Variants in QKI observed in about 807,000 individuals in gnomAD.
The protein encoded by QKI is QKI, KH domain containing RNA binding.
In QKI, 10 loss-of-function variants were observed where a neutral mutation model predicts 39.0. The observed-to-expected ratio is 0.26, with a 90% CI of 0.16 to 0.43. The LOEUF is 0.43. Ranked by LOEUF, QKI falls within the 20% of genes least tolerant of loss-of-function variation. The pLI is 1.00. For missense variants in QKI, 218 were observed against 428.0 expected, an observed-to-expected ratio of 0.51 and a Z score of 4.33; for synonymous variants, 204 against 155.4, an observed-to-expected ratio of 1.31 and a Z score of -2.33.
At chr6:163,473,190 G>T (rs1792333463) in intron 2 of QKI, among the ~76,000 whole-genome samples, 1 of 152,140 alleles carries the variant, frequency 6.6e-6, no homozygotes, top group Admixed American at 6.6e-5. Context: ...GAGTTGCGTG[G>T]TTGCAGATAT....
chr6:163,565,372 C>G (rs1016332464), intron 6 of QKI: 2 of 986,180 alleles, frequency 2.0e-6, no homozygotes, highest in Admixed American at 6.1e-5. Flanking sequence ...AGCTGCTGTT[C>G]CAGCACTTTC....
chr6:163,495,949 T>G (rs746730231), intron 3 of QKI, among the ~76,000 whole-genome samples: 1 of 152,222 alleles, frequency 6.6e-6, no homozygotes, highest in Non-Finnish European at 1.5e-5. Flanking sequence ...TTTCTCCTTT[T>G]AAATCATATC....
intron 2 of QKI, among the ~76,000 whole-genome samples, chr6:163,469,844 CTGTTA>C (rs1792052686): frequency 6.6e-6 from 1 of 152,100 alleles, no homozygotes; most frequent in Non-Finnish European, 1.5e-5. Context: ...GATAGATTTT[CTGTTA>C]TGTTTCTTTT....
Position 163,567,459 on chromosome 6 carries a change from A to C in QKI, c.1009+664A>C, listed in dbSNP as rs1310784229. Reference sequence around the variant, plus strand: ...TTGATTTTTGTCATTTGCTGCTAAAATATATTATCTGAAGGTAAACTGTCT... The same window carrying C: ...TTGATTTTTGTCATTTGCTGCTAAACTATATTATCTGAAGGTAAACTGTCT... On this transcript the variant is annotated intron_variant, in intron 7 of 7. Coordinates refer to ENST00000361752, the MANE Select transcript of QKI (RefSeq NM_006775.3). 4.1e-6 allele frequency: 4 copies of C among 985,022 alleles called. No homozygotes were observed. The South Asian group carries it at 1.9e-4, about 46-fold the overall frequency. The allele number at this position is 985,022 out of a possible 1,614,324, so 61.0% of individuals were successfully genotyped here. A position where few individuals can be genotyped will look rare whatever the true frequency, so the allele number is the denominator to read the frequency against.
At chr6:163,466,605 C>T (rs1791774191) in intron 2 of QKI, among the ~76,000 whole-genome samples, 1 of 152,030 alleles carries the variant, frequency 6.6e-6, no homozygotes, top group South Asian at 2.1e-4. Flanking sequence ...GACAAGGGTA[C>T]CATGACTACA....
At chr6:163,419,431 A>G (rs750041518) in intron 1 of QKI, among the ~76,000 whole-genome samples, 3 of 152,254 alleles carry the variant, frequency 2.0e-5, no homozygotes, top group East Asian at 1.9e-4. Flanking sequence ...TGAAGAAGCA[A>G]TTACTGTTGT....
chr6:163,568,167 T>A (rs1441225741), intron 7 of QKI: 1 of 985,004 alleles, frequency 1.0e-6, no homozygotes, highest in African/African-American at 1.7e-5. Context: ...TTAAAGAAAC[T>A]GGACAATTCC....
At chr6:163,558,065 G>C (rs367981411) in intron 4 of QKI, among the ~76,000 whole-genome samples, 2 of 152,174 alleles carry the variant, frequency 1.3e-5, no homozygotes, top group East Asian at 3.9e-4. Flanking sequence ...CCCGATCAAG[G>C]TTCTGCAGGA....
intron 2 of QKI, among the ~76,000 whole-genome samples, chr6:163,458,606 T>C (rs1455786107): frequency 6.6e-6 from 1 of 152,194 alleles, no homozygotes; most frequent in Non-Finnish European, 1.5e-5. Context: ...AGATGTGTTT[T>C]GGACTTGGCA....
At chr6:163,419,069 C>T (rs1004357274) in intron 1 of QKI, among the ~76,000 whole-genome samples, 6 of 152,066 alleles carry the variant, frequency 3.9e-5, no homozygotes, top group South Asian at 2.1e-4. Flanking sequence ...ATTAGAATGC[C>T]GTATTACTGA....
At chr6:163,561,660 AAT>A (rs372236531) in intron 4 of QKI, among the ~76,000 whole-genome samples, 15 of 152,306 alleles carry the variant, frequency 9.8e-5, no homozygotes, top group African/African-American at 3.4e-4. Context: ...TGCTGAAGAG[AAT>A]ATGTTATGTT....
intron 3 of QKI, among the ~76,000 whole-genome samples, chr6:163,512,462 TAA>T (rs1381427557): frequency 2.0e-5 from 3 of 152,204 alleles, no homozygotes; most frequent in South Asian, 2.1e-4. Flanking sequence ...ATCATGATCC[TAA>T]GTCTCTGTGT....
chr6:163,471,128 T>C (rs1490662542), intron 2 of QKI, among the ~76,000 whole-genome samples: 1 of 151,882 alleles, frequency 6.6e-6, no homozygotes, highest in Non-Finnish European at 1.5e-5. Context: ...GATGAGAAAA[T>C]CTTAAAGCAG....
chr6:163,416,059 G>C (rs1385755507), intron 1 of QKI: 4 of 30,964 alleles, frequency 1.3e-4, no homozygotes, highest in African/African-American at 3.5e-4. Flanking sequence ...GGGGGTGGGG[G>C]GGGGGGGGGT....
chr6:163,511,978 TAAA>T (rs71023232), intron 3 of QKI, among the ~76,000 whole-genome samples: 1 of 151,548 alleles, frequency 6.6e-6, no homozygotes, highest in Non-Finnish European at 1.5e-5. Flanking sequence ...AAATTAACGA[TAAA>T]AAAAGAAGAT....
chr6:163,526,917 A>G (rs1316196388), intron 3 of QKI, among the ~76,000 whole-genome samples: 1 of 152,192 alleles, frequency 6.6e-6, no homozygotes, highest in Non-Finnish European at 1.5e-5. Context: ...TGAAAATTGG[A>G]AGACATACCT....
chr6:163,489,204 A>G (rs1275728675), intron 3 of QKI, among the ~76,000 whole-genome samples: 1 of 151,390 alleles, frequency 6.6e-6, no homozygotes, highest in African/African-American at 2.4e-5. Flanking sequence ...CTGTGTTGAA[A>G]AGTGTTTCTT....
chr6:163,468,822 A>T (rs767745747), intron 2 of QKI, among the ~76,000 whole-genome samples: 42 of 152,358 alleles, frequency 2.8e-4, no homozygotes, highest in African/African-American at 9.4e-4. Context: ...CTGGCGTGAT[A>T]AATCAACACA....
At position 163,575,025 on chromosome 6, in the gene QKI, A is replaced by G. The variant is rs777428139; in HGVS notation, c.*4315A>G. Reference sequence around the variant, plus strand: ...GTGATAACAGCGAATCACCATTGAGATGGTCATTTGGATCATGTAAACAAA... The same window carrying G: ...GTGATAACAGCGAATCACCATTGAGGTGGTCATTTGGATCATGTAAACAAA... On this transcript the variant is annotated 3_prime_UTR_variant, in exon 8 of 8. Coordinates refer to ENST00000361752, the MANE Select transcript of QKI (RefSeq NM_006775.3). 6.6e-6 allele frequency: 1 copy of G among 152,172 alleles called. No individual in the cohort carries two copies. The highest frequency in any genetic ancestry group is 1.5e-5 in the Non-Finnish European group (1 of 68,034). The allele number at this position is 152,172 out of a possible 1,614,324, so 9.4% of individuals were successfully genotyped here. A position where few individuals can be genotyped will look rare whatever the true frequency, so the allele number is the denominator to read the frequency against.
Sources: allele counts gnomAD v4.1 joint callset (sites outside exome capture counted in the v4.1 genomes callset), GRCh38; gene constraint gnomAD v4.1.1; transcripts MANE v1.5; gene names NCBI Gene and HGNC (gene_info 2026-07-23, HGNC 2026-07-21).